Variants in NTNG1 observed in about 807,000 individuals in gnomAD.
The protein encoded by NTNG1 is netrin G1.
NTNG1 carries 16 observed loss-of-function variants against 54.0 expected under a neutral mutation model. The ratio of observed to expected loss-of-function variants is 0.30; its 90% confidence interval spans 0.20 to 0.45. The LOEUF (loss-of-function observed/expected upper bound fraction) is 0.45. NTNG1 is among the 20% of genes least tolerant of loss of function. The pLI is 1.00. For missense variants in NTNG1, 530 were observed against 678.7 expected, an observed-to-expected ratio of 0.78 and a Z score of 2.43; for synonymous variants, 255 against 263.1, an observed-to-expected ratio of 0.97 and a Z score of 0.30.
chr1:107,361,385 A>ATT (rs1443924165), intron 3 of NTNG1, among the ~76,000 whole-genome samples: 2 of 72,588 alleles, frequency 2.8e-5, no homozygotes, highest in African/African-American at 8.3e-5. Flanking sequence ...ATATATATAT[A>ATT]TATATATTTT....
intron 4 of NTNG1, among the ~76,000 whole-genome samples, chr1:107,407,144 G>C (rs1287222399): frequency 6.6e-6 from 1 of 152,072 alleles, no homozygotes; most frequent in East Asian, 1.9e-4. Context: ...CATCTGACAA[G>C]TAAAAGAATA....
chr1:107,361,936 G>A (rs1373554897), intron 3 of NTNG1, among the ~76,000 whole-genome samples: 2 of 152,080 alleles, frequency 1.3e-5, no homozygotes, highest in African/African-American at 4.8e-5. Flanking sequence ...TGGCTGACAG[G>A]GTCCATGGAG....
At chr1:107,433,463 T>C (rs1441468318) in intron 6 of NTNG1, among the ~76,000 whole-genome samples, 1 of 152,110 alleles carries the variant, frequency 6.6e-6, no homozygotes, top group African/African-American at 2.4e-5. Context: ...GGAGAATCAG[T>C]TGAACTCGAG....
chr1:107,425,056 C>G (rs907643342), intron 5 of NTNG1, among the ~76,000 whole-genome samples: 7 of 151,982 alleles, frequency 4.6e-5, no homozygotes, highest in African/African-American at 1.7e-4. Flanking sequence ...GAAGGATTAC[C>G]AGGCAGATCT....
At chr1:107,367,065 CGTGTGTGTGT>C (rs57282130) in intron 3 of NTNG1, among the ~76,000 whole-genome samples, 2 of 148,440 alleles carry the variant, frequency 1.3e-5, no homozygotes, top group South Asian at 4.3e-4. Context: ...TTTATCTGTT[CGTGTGTGTGT>C]GTGTGTGTGT....
At chr1:107,280,419 TATTA>T (rs1423856762) in intron 2 of NTNG1, among the ~76,000 whole-genome samples, 4 of 151,988 alleles carry the variant, frequency 2.6e-5, no homozygotes, top group South Asian at 2.1e-4. Flanking sequence ...TCTCCTGTAT[TATTA>T]ATTAATTATA....
chr1:107,243,629 A>G (rs1661987554), intron 2 of NTNG1, among the ~76,000 whole-genome samples: 1 of 152,156 alleles, frequency 6.6e-6, no homozygotes, highest in African/African-American at 2.4e-5. Context: ...GTTCACAGGC[A>G]CGGTCGTAGT....
intron 7 of NTNG1, among the ~76,000 whole-genome samples, chr1:107,447,269 T>C (rs964776219): frequency 1.3e-5 from 2 of 152,042 alleles, no homozygotes; most frequent in African/African-American, 4.8e-5. Context: ...ATCAATAATA[T>C]GGACAACTAC....
chr1:107,235,027 C>G (rs948450396), intron 2 of NTNG1, among the ~76,000 whole-genome samples: 4 of 151,854 alleles, frequency 2.6e-5, no homozygotes, highest in African/African-American at 9.7e-5. Flanking sequence ...AATGCAATGT[C>G]TTATTTAATA....
In NTNG1 at chr1:107,483,553, C is replaced by G. The variant is rs375873384; in HGVS notation, c.*2713C>G. On this transcript the variant is annotated 3_prime_UTR_variant, in exon 8 of 8. Transcript: ENST00000370068. ...TCTGAGGAAACCTCAACTCAGTGGACTTGATTCATCTGTTACTTTCCAGCA... is the reference window on the plus strand; with the variant it reads ...TCTGAGGAAACCTCAACTCAGTGGAGTTGATTCATCTGTTACTTTCCAGCA... 3 of 152,308 alleles carry G rather than the reference C, an allele frequency of 2.0e-5. No homozygotes were observed. In the East Asian group the frequency reaches 5.8e-4, roughly 29 times the overall value. The allele number at this position is 152,308 out of a possible 1,614,324, so 9.4% of individuals were successfully genotyped here.
At chr1:107,222,945 A>C (rs773601554) in intron 2 of NTNG1, among the ~76,000 whole-genome samples, 8 of 151,942 alleles carry the variant, frequency 5.3e-5, no homozygotes, top group Non-Finnish European at 1.0e-4. Flanking sequence ...AAGAAATTAT[A>C]GATGGGAGAA....
At chr1:107,143,630 G>A (rs1653901797) in intron 1 of NTNG1, among the ~76,000 whole-genome samples, 1 of 152,106 alleles carries the variant, frequency 6.6e-6, no homozygotes, top group Non-Finnish European at 1.5e-5. Context: ...TCTTAGGTTA[G>A]TATGAGATTT....
chr1:107,218,204 G>A (rs1174766171), intron 2 of NTNG1, among the ~76,000 whole-genome samples: 1 of 152,118 alleles, frequency 6.6e-6, no homozygotes, highest in Non-Finnish European at 1.5e-5. Flanking sequence ...ATTATGTAAT[G>A]TTCCTGTTTG....
At chr1:107,184,256 T>C (rs1381182043) in intron 2 of NTNG1, among the ~76,000 whole-genome samples, 4 of 152,128 alleles carry the variant, frequency 2.6e-5, no homozygotes, top group South Asian at 2.1e-4. Flanking sequence ...AATTGTCTTC[T>C]TCCCACATAC....
intron 2 of NTNG1, among the ~76,000 whole-genome samples, chr1:107,268,486 A>ATT (rs55816322): frequency 2.2e-5 from 3 of 138,844 alleles, no homozygotes; most frequent in African/African-American, 5.5e-5. Flanking sequence ...CTCTCATCAT[A>ATT]TTTTTTTTTT....
chr1:107,368,638 A>G (rs1331072023), intron 3 of NTNG1, among the ~76,000 whole-genome samples: 1 of 152,126 alleles, frequency 6.6e-6, no homozygotes, highest in Non-Finnish European at 1.5e-5. Flanking sequence ...CTTTAAGTGC[A>G]TTATTTCACT....
In NTNG1 at chr1:107,469,097, CAA is replaced by C. The variant is rs35394442; in HGVS notation, c.1391-11497_1391-11496del. On this transcript the variant is annotated intron_variant, in intron 7 of 7. Transcript: ENST00000370068. ...GGGTGACAGGATCAAAACTCCATTT[CAA>C]AAAAAAAAAAAAAAAACAACGAAAG... Among the ~76,000 whole-genome samples the C allele has an allele frequency of 1.3e-3, 147 of 115,590 alleles. 2 individuals are homozygous for C. Among genetic ancestry groups the C allele is most frequent in the Admixed American group, 4.6e-3 (52 of 11,228 alleles). The allele number at this position is 115,590 out of a possible 152,430, so 75.8% of individuals were successfully genotyped here.
intron 2 of NTNG1, among the ~76,000 whole-genome samples, chr1:107,235,437 A>G (rs1311894297): frequency 6.6e-6 from 1 of 152,156 alleles, no homozygotes; most frequent in Non-Finnish European, 1.5e-5. Context: ...GAACATGTCA[A>G]TGATGATTTT....
At chr1:107,427,039 G>C (rs1404871656) in intron 5 of NTNG1, among the ~76,000 whole-genome samples, 6 of 152,116 alleles carry the variant, frequency 3.9e-5, no homozygotes, top group African/African-American at 1.4e-4. Context: ...TTTGTATCCT[G>C]AGACTTTGCT....
Sources: gnomAD v4.1 joint callset for allele counts (sites outside exome capture counted in the v4.1 genomes callset) on GRCh38, gnomAD v4.1.1 for gene constraint, MANE v1.5 for transcripts, NCBI Gene and HGNC (gene_info 2026-07-23, HGNC 2026-07-21) for gene names.